DCUN1D5: variants seen among roughly 807,000 people sequenced by gnomAD.
DCUN1D5 encodes DCN1-like protein 5.
In DCUN1D5, 10 loss-of-function variants were observed where a neutral mutation model predicts 38.3. That is an observed-to-expected ratio of 0.26 (90% CI 0.16 to 0.44). The LOEUF is 0.44. DCUN1D5 is among the 20% of genes least tolerant of loss of function. The probability of loss-of-function intolerance (pLI) is 1.00; values close to 1 mark genes in which losing one functional copy is unlikely to be tolerated. For synonymous variants in DCUN1D5, 93 were observed against 90.9 expected, an observed-to-expected ratio of 1.02 and a Z score of -0.13; for missense variants, 148 against 275.3, an observed-to-expected ratio of 0.54 and a Z score of 3.27.
chr11:103,070,124 A>C (rs1171691668), intron 4 of DCUN1D5, among the ~76,000 whole-genome samples: 2 of 152,116 alleles, frequency 1.3e-5, no homozygotes, highest in African/African-American at 4.8e-5. Context: ...CAAAAAAAAA[A>C]AAGTCCAAGG....
chr11:103,052,569 C>A lies in DCUN1D5; in HGVS notation c.*9790G>T, dbSNP rs183150947. 6 of 152,156 alleles carry A rather than the reference C, an allele frequency of 3.9e-5. No individual in the cohort carries two copies. In the East Asian group the frequency reaches 1.2e-3, roughly 29 times the overall value. 9.4% of individuals were successfully genotyped at this position (152,156 alleles called of 1,614,324 possible). A position where few individuals can be genotyped will look rare whatever the true frequency, so the allele number is the denominator to read the frequency against. The stretch of plus-strand genomic sequence containing the variant: ...TGTGTAATAAGAGGGCATAGCAAAG[C>A]CTGGGCCTATGGATATTTATTGGAT... On this transcript the variant is annotated 3_prime_UTR_variant, in exon 8 of 8. Coordinates refer to ENST00000260247, the MANE Select transcript of DCUN1D5 (RefSeq NM_032299.4).
In DCUN1D5 at chr11:103,054,348, G is replaced by A. The variant is rs940703743; in HGVS notation, c.*8011C>T. 1.3e-5 allele frequency: 2 copies of A among 152,068 alleles called. No individual in the cohort carries two copies. Among genetic ancestry groups the A allele is most frequent in the Non-Finnish European group, 2.9e-5 (2 of 67,980 alleles). 9.4% of individuals were successfully genotyped at this position (152,068 alleles called of 1,614,324 possible). ...AGCATCTCTCTAAGGGTAAAAATGT[G>A]AAAATAAGTTTTTTCAAAGGCCCCA... is the stretch of plus-strand genomic sequence containing the variant. On this transcript the variant is annotated 3_prime_UTR_variant, in exon 8 of 8. Coordinates refer to ENST00000260247, the MANE Select transcript of DCUN1D5 (RefSeq NM_032299.4).
In DCUN1D5 at chr11:103,086,012, A is replaced by T. The variant is rs1337052648; in HGVS notation, c.179-2686T>A. Among the ~76,000 whole-genome samples the T allele has an allele frequency of 6.6e-6, 1 of 152,242 alleles. No individual in the cohort carries two copies. Among genetic ancestry groups the T allele is most frequent in the East Asian group, 1.9e-4 (1 of 5,204 alleles). ...CAAGAATGAGGTCTTGTGAAAGAAC[A>T]AAACCAACAGCCTTATCACACATAA... On this transcript the variant is annotated intron_variant, in intron 2 of 7. Coordinates refer to ENST00000260247, the MANE Select transcript of DCUN1D5 (RefSeq NM_032299.4). The surrounding 1 kb of genome is among the most constrained non-coding windows in gnomAD (Gnocchi z 4.1).
chr11:103,053,951 C>T lies in DCUN1D5; in HGVS notation c.*8408G>A, dbSNP rs978578783. On this transcript the variant is annotated 3_prime_UTR_variant, in exon 8 of 8. Coordinates refer to ENST00000260247, the MANE Select transcript of DCUN1D5 (RefSeq NM_032299.4). The surrounding 1 kb of genome is among the most constrained non-coding windows in gnomAD (Gnocchi z 4.8). ...GCTATTAGATAAGGACTATTATTAT[C>T]CTCATGTTACAGACAAGGAAATGAA... is the stretch of plus-strand genomic sequence containing the variant. 6.6e-6 allele frequency: 1 copy of T among 152,050 alleles called. No individual in the cohort carries two copies. The highest frequency in any genetic ancestry group is 2.4e-5 in the African/African-American group (1 of 41,400). 9.4% of individuals were successfully genotyped at this position (152,050 alleles called of 1,614,324 possible).
At position 103,056,848 on chromosome 11, in the gene DCUN1D5, A is replaced by G. The variant is rs1861886298; in HGVS notation, c.*5511T>C. On this transcript the variant is annotated 3_prime_UTR_variant, in exon 8 of 8. Coordinates refer to ENST00000260247, the MANE Select transcript of DCUN1D5 (RefSeq NM_032299.4). This position sits in a 1 kb window ranked among gnomAD's most constrained non-coding sequence, Gnocchi z 4.9. ...AAAAAATAAACTATCATAACTAACC[A>G]CTTCTTGTTCAAGTAACAAGACGCA... is the stretch of plus-strand genomic sequence containing the variant. 6.6e-6 allele frequency among the ~76,000 whole-genome samples: 1 copy of G among 152,130 alleles called. No individual in the cohort carries two copies. The highest frequency in any genetic ancestry group is 2.1e-4 in the South Asian group (1 of 4,826).
chr11:103,057,203 T>C lies in DCUN1D5; in HGVS notation c.*5156A>G, dbSNP rs1362737247. 6.6e-6 allele frequency among the ~76,000 whole-genome samples: 1 copy of C among 152,242 alleles called. No homozygotes were observed. Among genetic ancestry groups the C allele is most frequent in the Non-Finnish European group, 1.5e-5 (1 of 68,034 alleles). ...ATTTGCATGACAGAATAGTAAAGTA[T>C]ATAAACTAACTTCACTTAAGTCAAT... On this transcript the variant is annotated 3_prime_UTR_variant, in exon 8 of 8. Transcript: ENST00000260247. The surrounding 1 kb of genome is among the most constrained non-coding windows in gnomAD (Gnocchi z 4.8).
Position 103,054,844 on chromosome 11 carries a change from T to A in DCUN1D5, c.*7515A>T, listed in dbSNP as rs996483214. ...CAGTCCTAGATGTACTAAAATCAAT[T>A]AGCCTTATTTTATGCTTTCCTAGCA... On this transcript the variant is annotated 3_prime_UTR_variant, in exon 8 of 8. Transcript: ENST00000260247. The A allele has an allele frequency of 6.6e-6, 1 of 152,172 alleles. No homozygotes were observed. The highest frequency in any genetic ancestry group is 1.9e-4 in the East Asian group (1 of 5,178). 9.4% of individuals were successfully genotyped at this position (152,172 alleles called of 1,614,324 possible). A position where few individuals can be genotyped will look rare whatever the true frequency, so the allele number is the denominator to read the frequency against.
chr11:103,068,315 A>C (rs1227886287), intron 4 of DCUN1D5, among the ~76,000 whole-genome samples: 1 of 152,160 alleles, frequency 6.6e-6, no homozygotes, highest in African/African-American at 2.4e-5. Context: ...CGATCCAGCA[A>C]TCCCATTATT....
intron 1 of DCUN1D5, 113 bp from the exon 2 acceptor site, chr11:103,089,431 C>A: frequency 1.1e-6 from 1 of 872,372 alleles, no homozygotes; most frequent in Non-Finnish European, 1.6e-6. Flanking sequence ...TTTTTTTCTT[C>A]GGTTGGCATT....
rs185563372 is a variant in DCUN1D5, at chr11:103,059,916, A to G, written c.*2443T>C. ...GGGAAGTAGTTCTGAAAATTTTACA[A>G]CAGGGTTCGTGGGAAGGCACTTAAA... On this transcript the variant is annotated 3_prime_UTR_variant, in exon 8 of 8. Transcript: ENST00000260247. Among the ~76,000 whole-genome samples, 15 of 152,266 alleles carry G rather than the reference A, an allele frequency of 9.9e-5. No individual in the cohort carries two copies. The highest frequency in any genetic ancestry group is 3.4e-4 in the African/African-American group (14 of 41,558).
intron 2 of DCUN1D5, among the ~76,000 whole-genome samples, chr11:103,085,206 G>A (rs1234829734): frequency 2.0e-5 from 3 of 152,168 alleles, no homozygotes; most frequent in Admixed American, 1.3e-4. Context: ...TTGGGAGGCC[G>A]AGGCAGATGG....
At position 103,064,336 on chromosome 11, in the gene DCUN1D5, A is replaced by G. The variant is rs751314067; in HGVS notation, c.597T>C (p.Asn199=). 6.2e-7 allele frequency: 1 copy of G among 1,610,414 alleles called. No individual in the cohort carries two copies. The highest frequency in any genetic ancestry group is 8.5e-7 in the Non-Finnish European group (1 of 1,178,786). The change falls in exon 7 of 8, where the codon AAT becomes AAC. Residue 199 remains asparagine, a synonymous_variant. Coordinates refer to ENST00000260247, the MANE Select transcript of DCUN1D5 (RefSeq NM_032299.4). This position sits in a 1 kb window ranked among gnomAD's most constrained non-coding sequence, Gnocchi z 4.5. ...GGACTGTTCTGCTGAATTCTAATAC[A>G]TTGTACCATTGATCTTTGTTCATAA... The part of the protein sequence containing the change: ...YRVMNKDQWY[N]VLEFSRTVHA...
intron 4 of DCUN1D5, 137 bp downstream of exon 4, chr11:103,082,611 A>T: frequency 1.6e-6 from 1 of 641,210 alleles, no homozygotes; most frequent in South Asian, 2.0e-5. Flanking sequence ...TAATTTTTTC[A>T]ATCCCCAAAC....
intron 4 of DCUN1D5, among the ~76,000 whole-genome samples, chr11:103,072,766 G>T (rs1393187728): frequency 7.6e-6 from 1 of 132,004 alleles, no homozygotes; most frequent in Non-Finnish European, 1.6e-5. Context: ...GTCGGGGGGT[G>T]GGGGGAGGGG....
At chr11:103,075,863 T>C (rs1862395774) in intron 4 of DCUN1D5, among the ~76,000 whole-genome samples, 1 of 152,232 alleles carries the variant, frequency 6.6e-6, no homozygotes, top group African/African-American at 2.4e-5. Context: ...TTCTTACTTA[T>C]TAGAAATTCA....
At position 103,077,497 on chromosome 11, in the gene DCUN1D5, G is replaced by A. The variant is rs1216226572; in HGVS notation, c.341+5251C>T. Among the ~76,000 whole-genome samples the A allele has an allele frequency of 6.6e-6, 1 of 152,120 alleles. No individual in the cohort carries two copies. Among genetic ancestry groups the A allele is most frequent in the Non-Finnish European group, 1.5e-5 (1 of 68,016 alleles). The stretch of plus-strand genomic sequence containing the variant: ...AACCACACAGATTTGAGGGAACACT[G>A]GCACAATACAATACACCATTCTCCA... On this transcript the variant is annotated intron_variant, in intron 4 of 7. Coordinates refer to ENST00000260247, the MANE Select transcript of DCUN1D5 (RefSeq NM_032299.4). This position sits in a 1 kb window ranked among gnomAD's most constrained non-coding sequence, Gnocchi z 4.3.
At chr11:103,076,238 A>G (rs1219170993) in intron 4 of DCUN1D5, among the ~76,000 whole-genome samples, 1 of 152,224 alleles carries the variant, frequency 6.6e-6, no homozygotes, top group East Asian at 1.9e-4. Context: ...TTGTTAAATA[A>G]AAGTGTGACC....
chr11:103,064,440 G>A lies in DCUN1D5; in HGVS notation c.556-63C>T. 7.9e-7 allele frequency: 1 copy of A among 1,262,724 alleles called. No individual in the cohort carries two copies. Among genetic ancestry groups the A allele is most frequent in the Non-Finnish European group, 1.1e-6 (1 of 923,672 alleles). 78.2% of individuals were successfully genotyped at this position (1,262,724 alleles called of 1,614,324 possible). A position where few individuals can be genotyped will look rare whatever the true frequency, so the allele number is the denominator to read the frequency against. On this transcript the variant is annotated intron_variant, in intron 6 of 7. Coordinates refer to ENST00000260247, the MANE Select transcript of DCUN1D5 (RefSeq NM_032299.4). The surrounding 1 kb of genome is among the most constrained non-coding windows in gnomAD (Gnocchi z 4.5). ...AAACAAACATCATTTACTCAATTTA[G>A]TAAACTAAGTTTTAACTGTTTTTGT...
rs566216275 is a variant in DCUN1D5, at chr11:103,075,182, C to A, written c.341+7566G>T. ...GTCATCAATGTTTTTAATCTGATTC[C>A]CATCCTATTAAGGTCTTGCTTGAAA... is the stretch of plus-strand genomic sequence containing the variant. On this transcript the variant is annotated intron_variant, in intron 4 of 7. Coordinates refer to ENST00000260247, the MANE Select transcript of DCUN1D5 (RefSeq NM_032299.4). Among the ~76,000 whole-genome samples, 10 of 152,196 alleles carry A rather than the reference C, an allele frequency of 6.6e-5. 1 individual carries two copies. The South Asian group carries it at 1.5e-3, about 22-fold the overall frequency.
Sources: allele counts gnomAD v4.1 joint callset (sites outside exome capture counted in the v4.1 genomes callset), GRCh38; gene constraint gnomAD v4.1.1; non-coding constraint Gnocchi (gnomAD v3.1); transcripts MANE v1.5; gene names NCBI Gene and HGNC (gene_info 2026-07-23, HGNC 2026-07-21).